The following WWTR1 variants were observed in gnomAD, a reference collection of about 807,000 sequenced individuals.
WWTR1 encodes the protein WW domain containing transcription regulator 1, also known as WW domain-containing transcription regulator protein 1.
A neutral mutation model predicts 40.1 loss-of-function variants in WWTR1; 13 were observed. The ratio of observed to expected loss-of-function variants is 0.32; its 90% CI spans 0.21 to 0.52. The LOEUF (loss-of-function observed/expected upper bound fraction) is 0.52, where lower values mean the gene tolerates loss of function less well. Among genes scored for constraint, WWTR1 ranks in the 20% least tolerant of loss-of-function variants. The pLI is 0.97. For missense variants in WWTR1, 436 were observed against 523.1 expected, an observed-to-expected ratio of 0.83 and a Z score of 1.63; for synonymous variants, 230 against 210.1, an observed-to-expected ratio of 1.09 and a Z score of -0.82.
chr3:149,630,634 G>A (rs1711519778), intron 2 of WWTR1, among the ~76,000 whole-genome samples: 1 of 152,192 alleles, frequency 6.6e-6, no homozygotes, highest in Non-Finnish European at 1.5e-5. Context: ...TTATTGGGCA[G>A]GTAAACAAGA....
chr3:149,708,222 T>G (rs1715383200), upstream of WWTR1, among the ~76,000 whole-genome samples: 1 of 152,174 alleles, frequency 6.6e-6, no homozygotes, highest in Admixed American at 6.5e-5. Context: ...CTCACTATGG[T>G]CTAAATATGA....
At chr3:149,569,654 A>G (rs1737527110) in intron 3 of WWTR1, among the ~76,000 whole-genome samples, 1 of 152,232 alleles carries the variant, frequency 6.6e-6, no homozygotes, top group Admixed American at 6.5e-5. Flanking sequence ...AAAAGGTACT[A>G]TTCTATCATC....
intron 1 of WWTR1, among the ~76,000 whole-genome samples, chr3:149,693,372 G>C (rs1204952899): frequency 6.6e-6 from 1 of 152,054 alleles, no homozygotes; most frequent in Non-Finnish European, 1.5e-5. Context: ...TCATGGATTG[G>C]AAGAATCAGT....
chr3:149,570,148 A>G (rs1024899014), intron 3 of WWTR1, among the ~76,000 whole-genome samples: 13 of 152,330 alleles, frequency 8.5e-5, no homozygotes, highest in Non-Finnish European at 1.5e-4. Context: ...TCCAAGTTGT[A>G]TTTCCATCCT....
upstream of WWTR1, chr3:149,660,246 G>T (rs890876181): frequency 3.9e-5 from 6 of 152,148 alleles, no homozygotes; most frequent in African/African-American, 1.4e-4. Context: ...GAAGTCACAA[G>T]GCTGACTTGA....
chr3:149,712,450 C>T (rs1471582894), intron 5 of WWTR1, among the ~76,000 whole-genome samples: 2 of 152,190 alleles, frequency 1.3e-5, no homozygotes, highest in South Asian at 2.1e-4. Flanking sequence ...GATCAGCCTA[C>T]GATTTACCCA....
At chr3:149,711,226 G>A (rs1023167737) in intron 5 of WWTR1, among the ~76,000 whole-genome samples, 2 of 151,628 alleles carry the variant, frequency 1.3e-5, no homozygotes, top group Admixed American at 1.3e-4. Context: ...AGCAGGTTGG[G>A]AGGCCAAGGT....
intron 2 of WWTR1, among the ~76,000 whole-genome samples, chr3:149,623,810 C>T (rs529750602): frequency 2.0e-5 from 3 of 152,310 alleles, no homozygotes; most frequent in African/African-American, 7.2e-5. Flanking sequence ...ATATACAATG[C>T]CAGAACCTCA....
intron 2 of WWTR1, among the ~76,000 whole-genome samples, chr3:149,574,115 C>T (rs1042569110): frequency 3.3e-5 from 5 of 152,034 alleles, no homozygotes; most frequent in African/African-American, 9.7e-5. Flanking sequence ...ATTGCAGCCC[C>T]GACATCCTGG....
chr3:149,639,267 A>G (rs987610499), intron 2 of WWTR1, among the ~76,000 whole-genome samples: 2 of 152,156 alleles, frequency 1.3e-5, no homozygotes, highest in Non-Finnish European at 2.9e-5. Context: ...CGGTGGTGCA[A>G]TCATAGTTCA....
intron 2 of WWTR1, among the ~76,000 whole-genome samples, chr3:149,577,418 G>A (rs1335558963): frequency 6.6e-6 from 1 of 152,126 alleles, no homozygotes; most frequent in African/African-American, 2.4e-5. Context: ...TGGGGTTAAC[G>A]GTACCTGTAA....
At chr3:149,677,449 T>C (rs547551144) in intron 1 of WWTR1, among the ~76,000 whole-genome samples, 1 of 152,300 alleles carries the variant, frequency 6.6e-6, no homozygotes, top group East Asian at 1.9e-4. Context: ...TCCCATGACT[T>C]GGACTACCTT....
intron 3 of WWTR1, among the ~76,000 whole-genome samples, chr3:149,543,065 A>G (rs1435361350): frequency 6.6e-6 from 1 of 152,260 alleles, no homozygotes; most frequent in Non-Finnish European, 1.5e-5. Flanking sequence ...CCTTTGTTTG[A>G]AAAGCATGCT....
At chr3:149,563,450 T>A (rs1737175734) in intron 3 of WWTR1, among the ~76,000 whole-genome samples, 1 of 152,160 alleles carries the variant, frequency 6.6e-6, no homozygotes, top group African/African-American at 2.4e-5. Flanking sequence ...CAAGCTATAA[T>A]TTTCCTCCTC....
chr3:149,562,499 G>C (rs1446185867), intron 3 of WWTR1, among the ~76,000 whole-genome samples: 1 of 151,900 alleles, frequency 6.6e-6, no homozygotes, highest in African/African-American at 2.4e-5. Flanking sequence ...ATTTTCTACA[G>C]TGACCAAATA....
intron 2 of WWTR1, among the ~76,000 whole-genome samples, chr3:149,574,797 A>T (rs1737803579): frequency 1.6e-5 from 2 of 128,660 alleles, no homozygotes; most frequent in South Asian, 4.6e-4. Flanking sequence ...AATGTGATTA[A>T]AAAAAAAAAA....
intron 4 of WWTR1, among the ~76,000 whole-genome samples, chr3:149,535,549 G>A (rs988923580): frequency 6.6e-6 from 1 of 152,128 alleles, no homozygotes; most frequent in Admixed American, 6.5e-5. Flanking sequence ...CTTTTAGGAA[G>A]CCATTTACTA....
chr3:149,549,043 G>A (rs1736498148), intron 3 of WWTR1, among the ~76,000 whole-genome samples: 1 of 152,190 alleles, frequency 6.6e-6, no homozygotes, highest in Non-Finnish European at 1.5e-5. Flanking sequence ...ATATTCATAT[G>A]AACAGATAAT....
rs1258786326 is a variant in WWTR1, at chr3:149,572,997, G to A, written c.435C>T (p.His145=). 2 of 1,583,300 alleles carry A rather than the reference G, an allele frequency of 1.3e-6. No individual in the cohort carries two copies. Among genetic ancestry groups the A allele is most frequent in the East Asian group, 2.2e-5 (1 of 44,708 alleles). Reference sequence around the variant, plus strand: ...CTTGCCATGTGGTGATTTTTTCTATGTGACTAAAAGAAGGAAAACAATTAA... The same window carrying A: ...CTTGCCATGTGGTGATTTTTTCTATATGACTAAAAGAAGGAAAACAATTAA... ...TATGQRYFLN[H]IEKITTWQDP... is the part of the protein sequence containing the mutation. Residue 145 remains histidine, a synonymous_variant, in exon 3 of 7, where the codon CAC becomes CAT. Transcript: ENST00000360632.
Sources: allele counts gnomAD v4.1 joint callset (sites outside exome capture counted in the v4.1 genomes callset), GRCh38; gene constraint gnomAD v4.1.1; transcripts MANE v1.5; gene names NCBI Gene and HGNC (gene_info 2026-07-23, HGNC 2026-07-21).